MICAL2: variants seen among roughly 807,000 people sequenced by gnomAD.
MICAL2 encodes the protein microtubule associated monooxygenase, calponin and LIM domain containing 2.
In MICAL2, 77 loss-of-function variants were observed where a neutral mutation model predicts 127.3. That is an observed-to-expected ratio of 0.60 (90% confidence interval 0.50 to 0.73). MICAL2 has a LOEUF of 0.73. Among genes scored for constraint, MICAL2 ranks in the 30% least tolerant of loss-of-function variants. MICAL2 has a pLI of 0.00. For synonymous variants in MICAL2, 570 were observed against 551.1 expected (o/e 1.03, Z -0.48); for missense variants, 1,351 against 1,434.4 (o/e 0.94, Z 0.94).
At chr11:12,293,892 G>A (rs375399308), downstream of MICAL2, 106 of 1,610,730 alleles carry the variant, frequency 6.6e-5, no homozygotes, top group Admixed American at 1.3e-4. Context: ...GGAGAAGACC[G>A]GGAAAAAGGG....
chr11:12,325,998 C>T (rs1055593532), intron 31 of MICAL2, among the ~76,000 whole-genome samples: 2 of 152,194 alleles, frequency 1.3e-5, no homozygotes, highest in Non-Finnish European at 2.9e-5. Flanking sequence ...TTTAAGTAGA[C>T]TTTCCATCTA....
intron 1 of MICAL2, among the ~76,000 whole-genome samples, chr11:12,134,833 AAAATT>A (rs1851709439): frequency 6.6e-6 from 1 of 152,146 alleles, no homozygotes; most frequent in Non-Finnish European, 1.5e-5. Context: ...CTACAAAAAA[AAAATT>A]AAATTAAAAA....
chr11:12,184,732 TAAC>T (rs1857936857), intron 3 of MICAL2, among the ~76,000 whole-genome samples: 1 of 152,026 alleles, frequency 6.6e-6, no homozygotes, highest in South Asian at 2.1e-4. Context: ...TGGTGGCTGG[TAAC>T]AACAGCAGTA....
intron 1 of MICAL2, among the ~76,000 whole-genome samples, chr11:12,111,173 T>C (rs781294668): frequency 1.3e-5 from 2 of 152,094 alleles, no homozygotes; most frequent in Non-Finnish European, 2.9e-5. Context: ...GGCGCCCTTT[T>C]CCCCCTCCCC....
upstream of MICAL2, among the ~76,000 whole-genome samples, chr11:12,272,389 C>A (rs11022271): frequency 0.077 from 11,731 of 152,236 alleles, 568 homozygotes; most frequent in Non-Finnish European, 0.11. Flanking sequence ...TGTCTTATCA[C>A]GTAGATATTT....
At chr11:12,361,526 T>TA (rs1181886289), downstream of MICAL2, among the ~76,000 whole-genome samples, 5 of 152,318 alleles carry the variant, frequency 3.3e-5, no homozygotes, top group African/African-American at 1.2e-4. Flanking sequence ...TCTTGGGCAG[T>TA]AAAAATAAGT....
chr11:12,225,894 C>T, intron 13 of MICAL2: 1 of 467,630 alleles, frequency 2.1e-6, no homozygotes, highest in South Asian at 3.0e-5. Context: ...AGTAAAATAG[C>T]TCATAAATGT....
At chr11:12,242,038 G>A (rs891715748) in intron 18 of MICAL2, 176 bp from the exon 19 acceptor site, 1 of 561,696 alleles carries the variant, frequency 1.8e-6, no homozygotes, top group Non-Finnish European at 3.1e-6. Context: ...GAATGAGGAG[G>A]CCAGACAATT....
intron 1 of MICAL2, among the ~76,000 whole-genome samples, chr11:12,120,879 G>A (rs931955562): frequency 2.3e-4 from 35 of 152,184 alleles, no homozygotes; most frequent in African/African-American, 7.7e-4. Flanking sequence ...ACTGCCCTCC[G>A]TTCACGGGAG....
chr11:12,331,855 A>G (rs1043412619), intron 32 of MICAL2, among the ~76,000 whole-genome samples: 2 of 152,164 alleles, frequency 1.3e-5, no homozygotes, highest in African/African-American at 4.8e-5. Context: ...CTTTTCTTTT[A>G]TGTCCCTATT....
chr11:12,167,828 G>T (rs1431532637), intron 3 of MICAL2, among the ~76,000 whole-genome samples: 1 of 152,158 alleles, frequency 6.6e-6, no homozygotes, highest in African/African-American at 2.4e-5. Context: ...AATGTGTGGG[G>T]TTTGCATGAG....
intron 1 of MICAL2, among the ~76,000 whole-genome samples, chr11:12,118,681 C>T (rs999516381): frequency 6.6e-6 from 1 of 152,212 alleles, no homozygotes; most frequent in Admixed American, 6.5e-5. Context: ...ACAAAAAGCA[C>T]TAAGACAGAC....
chr11:12,191,975 C>A (rs1013264653), intron 3 of MICAL2, among the ~76,000 whole-genome samples: 2 of 152,004 alleles, frequency 1.3e-5, no homozygotes, highest in Non-Finnish European at 2.9e-5. Flanking sequence ...CAGCAAGGAG[C>A]TCCCTTAGAC....
intron 29 of MICAL2, among the ~76,000 whole-genome samples, chr11:12,307,696 G>T (rs11022288): frequency 2.0e-5 from 3 of 151,818 alleles, no homozygotes; most frequent in Admixed American, 2.0e-4. Context: ...TAATTGCTTC[G>T]GTACCACTTG....
At chr11:12,266,922 C>G (rs968911631), downstream of MICAL2, among the ~76,000 whole-genome samples, 11 of 152,234 alleles carry the variant, frequency 7.2e-5, no homozygotes, top group Admixed American at 5.2e-4. Flanking sequence ...ATAGCACTTT[C>G]CTGATCTTGC....
intron 3 of MICAL2, among the ~76,000 whole-genome samples, chr11:12,200,269 T>C (rs867661150): frequency 6.6e-6 from 1 of 152,288 alleles, no homozygotes; most frequent in Middle Eastern, 3.4e-3. Flanking sequence ...GAGCTTAAAA[T>C]CTCATTGAGT....
chr11:12,281,173 T>G (rs1027357558), intron 2 of MICAL2: 5 of 398,568 alleles, frequency 1.3e-5, no homozygotes, highest in Non-Finnish European at 2.2e-5. Flanking sequence ...TGAATTTCCC[T>G]CTTGGAGGAC....
At chr11:12,118,196 A>T (rs1404630238) in intron 1 of MICAL2, among the ~76,000 whole-genome samples, 1 of 151,972 alleles carries the variant, frequency 6.6e-6, no homozygotes, top group Non-Finnish European at 1.5e-5. Context: ...ACATACATAC[A>T]TATGTGTGTG....
At chr11:12,143,231 T>A (rs1420853553) in intron 2 of MICAL2, among the ~76,000 whole-genome samples, 1 of 151,716 alleles carries the variant, frequency 6.6e-6, no homozygotes, top group African/African-American at 2.4e-5. Context: ...TGGGTGGAGG[T>A]GTGAAAGGGC....
Sources: gnomAD v4.1 joint callset for allele counts (sites outside exome capture counted in the v4.1 genomes callset) on GRCh38, gnomAD v4.1.1 for gene constraint, MANE v1.5 for transcripts, NCBI Gene and HGNC (gene_info 2026-07-23, HGNC 2026-07-21) for gene names.